The following BAZ1A variants were observed in gnomAD, a reference collection of about 807,000 sequenced individuals.
BAZ1A encodes bromodomain adjacent to zinc finger domain 1A.
A neutral mutation model predicts 185.2 loss-of-function variants in BAZ1A; 50 were observed. The ratio of observed to expected loss-of-function variants is 0.27; its 90% confidence interval spans 0.22 to 0.34. BAZ1A has a LOEUF of 0.34. Among genes scored for constraint, BAZ1A ranks in the 10% least tolerant of loss-of-function variants. The probability of loss-of-function intolerance (pLI) is 1.00; values close to 1 mark genes in which losing one functional copy is unlikely to be tolerated. For synonymous variants in BAZ1A, 571 were observed against 615.6 expected (o/e 0.93, Z 1.07); for missense variants, 1,356 against 1,839.9 (o/e 0.74, Z 4.81).
rs1487223323 is a variant in BAZ1A at position 34,797,503 on chromosome 14, G to A, written c.1129-1738C>T. 3.2e-4 allele frequency among the ~76,000 whole-genome samples: 49 copies of A among 151,902 alleles called. 1 individual carries two copies. Among genetic ancestry groups the A allele is most frequent in the Admixed American group, 3.2e-3 (49 of 15,244 alleles). ...GAATCTGGGAGGCAGAGGTTGCAGTGAACCCAGATCAAGCCACTGCACTTC... is the reference window on the plus strand; with the variant it reads ...GAATCTGGGAGGCAGAGGTTGCAGTAAACCCAGATCAAGCCACTGCACTTC... On this transcript the variant is annotated intron_variant, in intron 9 of 26. Transcript: ENST00000360310.
chr14:34,807,582 A>G (rs534498982), intron 5 of BAZ1A, 44 bp from the exon 6 acceptor site: 1 of 1,442,796 alleles, frequency 6.9e-7, no homozygotes, highest in Non-Finnish European at 9.7e-7. Context: ...GTTAGCATCA[A>G]AGAGTTCAAC....
rs755267594 is a variant in BAZ1A, at chr14:34,800,207, T to C, written c.1128+17A>G. The stretch of plus-strand genomic sequence containing the variant: ...TACTATATGTAGAGAGTATAGCTAA[T>C]ATACTCAAATGAATACCTTTTCTCT... On this transcript the variant is annotated intron_variant, in intron 9 of 26. Transcript: ENST00000360310. 1.5e-6 allele frequency: 2 copies of C among 1,377,434 alleles called. No homozygotes were observed. The highest frequency in any genetic ancestry group is 2.4e-5 in the East Asian group (1 of 41,722). The allele number at this position is 1,377,434 out of a possible 1,614,324, so 85.3% of individuals were successfully genotyped here. A position where few individuals can be genotyped will look rare whatever the true frequency, so the allele number is the denominator to read the frequency against.
rs757975804 is a variant in BAZ1A at position 34,874,461 on chromosome 14, C to A, written c.113+31G>T. Reference sequence around the variant, plus strand: ...CGCTGCGGGGGGAGTCCCCACACCCCCCGCGGCCCCGCACACGGCCCGGCT... The same window carrying A: ...CGCTGCGGGGGGAGTCCCCACACCCACCGCGGCCCCGCACACGGCCCGGCT... On this transcript the variant is annotated intron_variant, in intron 2 of 26. Transcript: ENST00000360310. The surrounding 1 kb of genome is among the most constrained non-coding windows in gnomAD (Gnocchi z 4.7). 2.5e-6 allele frequency: 4 copies of A among 1,586,992 alleles called. No individual in the cohort carries two copies. Among genetic ancestry groups the A allele is most frequent in the South Asian group, 1.1e-5 (1 of 90,542 alleles).
At chr14:34,807,311 G>C (rs112966125) in intron 6 of BAZ1A, 140 bp downstream of exon 6, 1 of 510,026 alleles carries the variant, frequency 2.0e-6, no homozygotes, top group African/African-American at 2.0e-5. Flanking sequence ...ATATTTTTCA[G>C]AAGTACTAAA....
chr14:34,848,634 A>G (rs1423031564), intron 3 of BAZ1A, among the ~76,000 whole-genome samples: 1 of 152,200 alleles, frequency 6.6e-6, no homozygotes, highest in Non-Finnish European at 1.5e-5. Context: ...TTTACAAGGC[A>G]GTTCTAAAAA....
At chr14:34,779,641 TACAC>T (rs1879910998) in intron 17 of BAZ1A, among the ~76,000 whole-genome samples, 2 of 152,164 alleles carry the variant, frequency 1.3e-5, no homozygotes, top group African/African-American at 2.4e-5. Context: ...ATTAAATAAA[TACAC>T]AAGAAATTTG....
intron 4 of BAZ1A, among the ~76,000 whole-genome samples, chr14:34,814,940 AT>A (rs1332481293): frequency 1.3e-5 from 2 of 150,920 alleles, no homozygotes; most frequent in Non-Finnish European, 2.9e-5. Flanking sequence ...CACCTAGCTA[AT>A]TTTATGTATT....
At chr14:34,850,042 A>G (rs2042573217) in intron 3 of BAZ1A, among the ~76,000 whole-genome samples, 1 of 152,184 alleles carries the variant, frequency 6.6e-6, no homozygotes, top group South Asian at 2.1e-4. Context: ...AGTCACTCAA[A>G]TATCTGTACG....
At chr14:34,844,783 A>G (rs758452110) in intron 3 of BAZ1A, among the ~76,000 whole-genome samples, 139 of 27,014 alleles carry the variant, frequency 5.1e-3, no homozygotes, top group African/African-American at 9.3e-3. Flanking sequence ...ACGCGCACAC[A>G]CACACACACA....
At chr14:34,787,706 A>G (rs1051153010) in intron 12 of BAZ1A, among the ~76,000 whole-genome samples, 1 of 152,130 alleles carries the variant, frequency 6.6e-6, no homozygotes, top group African/African-American at 2.4e-5. Context: ...AAAACAAAAC[A>G]AAAACACAAT....
chr14:34,793,734 G>A (rs1470435654), intron 11 of BAZ1A, among the ~76,000 whole-genome samples: 1 of 152,162 alleles, frequency 6.6e-6, no homozygotes, highest in Non-Finnish European at 1.5e-5. Context: ...CACAAGGTCA[G>A]GAGTTCAAGA....
intron 2 of BAZ1A, among the ~76,000 whole-genome samples, chr14:34,864,207 G>A (rs917777811): frequency 5.9e-5 from 9 of 151,856 alleles, no homozygotes; most frequent in African/African-American, 1.9e-4. Context: ...GCAGTGGTAC[G>A]ATCTTAGCTC....
At chr14:34,861,491 G>A (rs1263221788) in intron 3 of BAZ1A, among the ~76,000 whole-genome samples, 2 of 151,974 alleles carry the variant, frequency 1.3e-5, no homozygotes, top group Non-Finnish European at 2.9e-5. Flanking sequence ...GAAAGAAGGA[G>A]AACTTAGTGG....
rs1886086146 is a variant in BAZ1A, at chr14:34,753,134, A to C, written c.*374T>G. ...TTTCTAAACTGTGCTATAGCGGAAG[A>C]CTCATCCATGTAGATAACTCTCCCT... On this transcript the variant is annotated 3_prime_UTR_variant, in exon 27 of 27. Coordinates refer to ENST00000360310, the MANE Select transcript of BAZ1A (RefSeq NM_013448.3). 5.3e-6 allele frequency: 1 copy of C among 188,922 alleles called. No individual in the cohort carries two copies. The highest frequency in any genetic ancestry group is 1.1e-5 in the Non-Finnish European group (1 of 90,206). 11.7% of individuals were successfully genotyped at this position (188,922 alleles called of 1,614,324 possible).
chr14:34,758,674 G>T lies in BAZ1A; in HGVS notation c.4386+30C>A, dbSNP rs61981201. ...CGTGGACTAAATCAGATAATATACA[G>T]GAATACATTTTATCAAGTCTAGTAA... On this transcript the variant is annotated intron_variant, in intron 25 of 26. Coordinates refer to ENST00000360310, the MANE Select transcript of BAZ1A (RefSeq NM_013448.3). 0.36 allele frequency: 577,758 copies of T among 1,602,720 alleles called. 106,883 individuals carry two copies. Among genetic ancestry groups the T allele is most frequent in the Non-Finnish European group, 0.38 (447,768 of 1,170,886 alleles).
chr14:34,813,617 A>C (rs2041961160), intron 4 of BAZ1A, among the ~76,000 whole-genome samples: 2 of 151,932 alleles, frequency 1.3e-5, no homozygotes, highest in Non-Finnish European at 2.9e-5. Flanking sequence ...TGGGAGGCAG[A>C]GGTTGCAGTG....
intron 17 of BAZ1A, among the ~76,000 whole-genome samples, chr14:34,777,883 C>G (rs567115157): frequency 3.9e-5 from 6 of 151,948 alleles, no homozygotes; most frequent in Non-Finnish European, 7.4e-5. Context: ...CCCAGCTACT[C>G]GGGAGGCTGA....
intron 3 of BAZ1A, among the ~76,000 whole-genome samples, chr14:34,856,136 T>C (rs761349254): frequency 6.6e-6 from 1 of 152,182 alleles, no homozygotes. Flanking sequence ...TGGCAAAGGT[T>C]AAAAGACTTA....
chr14:34,832,719 G>C (rs1294130235), intron 3 of BAZ1A, among the ~76,000 whole-genome samples: 1 of 152,030 alleles, frequency 6.6e-6, no homozygotes, highest in South Asian at 2.1e-4. Flanking sequence ...TTGCTGGTGG[G>C]AATGTAAAAT....
Sources: allele counts gnomAD v4.1 joint callset (sites outside exome capture counted in the v4.1 genomes callset), GRCh38; gene constraint gnomAD v4.1.1; non-coding constraint Gnocchi (gnomAD v3.1); transcripts MANE v1.5; gene names NCBI Gene and HGNC (gene_info 2026-07-23, HGNC 2026-07-21).